GRIN2B: variants seen among roughly 807,000 people sequenced by gnomAD.
The protein encoded by GRIN2B is glutamate ionotropic receptor NMDA type subunit 2B, also known as glutamate receptor ionotropic, NMDA 2B.
A neutral mutation model predicts 114.5 loss-of-function variants in GRIN2B; 5 were observed. The observed-to-expected ratio is 0.04, with a 90% CI of 0.02 to 0.09. The LOEUF (loss-of-function observed/expected upper bound fraction) is 0.09. Ranked by LOEUF, GRIN2B falls within the 10% of genes least tolerant of loss-of-function variation. The pLI is 1.00. For missense variants in GRIN2B, 1,108 were observed against 1,943.5 expected (o/e 0.57, Z 8.08); for synonymous variants, 787 against 745.1 (o/e 1.06, Z -0.92).
intron 2 of GRIN2B, among the ~76,000 whole-genome samples, chr12:13,888,792 TA>T (rs34962020): frequency 0.67 from 98,828 of 147,142 alleles, 33,280 homozygotes; most frequent in Non-Finnish European, 0.73. Flanking sequence ...GTATAAAAGA[TA>T]AAAAAAAAAA....
intron 10 of GRIN2B, among the ~76,000 whole-genome samples, chr12:13,583,180 G>A (rs1565462536): frequency 6.6e-6 from 1 of 152,106 alleles, no homozygotes; most frequent in Non-Finnish European, 1.5e-5. Context: ...AAGCCACTGA[G>A]CTCTGAAATA....
chr12:13,581,945 C>T (rs139304828), intron 10 of GRIN2B, among the ~76,000 whole-genome samples: 71 of 146,840 alleles, frequency 4.8e-4, no homozygotes, highest in African/African-American at 1.6e-3. Flanking sequence ...ATTGATAAAA[C>T]GTAAGTAAAC....
At chr12:13,608,030 G>GA (rs397786993) in intron 10 of GRIN2B, among the ~76,000 whole-genome samples, 1 of 38 alleles carries the variant, frequency 0.026, no homozygotes, top group Non-Finnish European at 0.083. Flanking sequence ...TAGGCCCGCA[G>GA]AGGCCTGCAA....
intron 4 of GRIN2B, among the ~76,000 whole-genome samples, chr12:13,685,007 C>T (rs543322326): frequency 6.6e-6 from 1 of 152,236 alleles, no homozygotes; most frequent in African/African-American, 2.4e-5. Context: ...ACTTTCCTTC[C>T]TGTGAACTTT....
intron 3 of GRIN2B, among the ~76,000 whole-genome samples, chr12:13,810,701 G>A (rs1864713635): frequency 6.6e-6 from 1 of 152,210 alleles, no homozygotes. Flanking sequence ...CAGATTCTAT[G>A]TCCTTCTTCT....
chr12:13,864,321 TC>T (rs1352168098), intron 3 of GRIN2B, among the ~76,000 whole-genome samples: 1 of 152,154 alleles, frequency 6.6e-6, no homozygotes, highest in African/African-American at 2.4e-5. Context: ...GCTCAGCTGC[TC>T]CACTGCGGAG....
At chr12:13,719,132 G>A (rs1307301809) in intron 4 of GRIN2B, among the ~76,000 whole-genome samples, 2 of 151,918 alleles carry the variant, frequency 1.3e-5, no homozygotes, top group East Asian at 3.9e-4. Flanking sequence ...ATTTCCAGGG[G>A]CCAGGGGATG....
intron 3 of GRIN2B, among the ~76,000 whole-genome samples, chr12:13,852,253 A>C (rs1446991188): frequency 1.3e-5 from 2 of 152,160 alleles, no homozygotes; most frequent in African/African-American, 4.8e-5. Context: ...TACTCTTCTC[A>C]GTGCCACCAC....
Position 13,753,718 on chromosome 12 carries a change from G to A in GRIN2B, c.609C>T (p.Leu203=), listed in dbSNP as rs746896701. ...SFVGWELEEV[L]LLDMSLDDGD... ...CATCGTCCAGGGACATGTCCAGTAG[G>A]AGGACCTCCTCTAGCTCCCAGCCCA... The change falls in exon 4 of 14, where the codon CTC becomes CTT. Residue 203 remains leucine, a synonymous_variant. Coordinates refer to ENST00000609686, the MANE Select transcript of GRIN2B (RefSeq NM_000834.5). This position sits in a 1 kb window ranked among gnomAD's most constrained non-coding sequence, Gnocchi z 6.2. The A allele has an allele frequency of 4.5e-5, 72 of 1,614,068 alleles. 1 individual carries two copies. In the East Asian group the frequency reaches 1.6e-3, roughly 35 times the overall value.
intron 2 of GRIN2B, among the ~76,000 whole-genome samples, chr12:13,871,955 T>A (rs535813310): frequency 5.3e-5 from 8 of 152,056 alleles, no homozygotes; most frequent in Non-Finnish European, 8.8e-5. Flanking sequence ...AACTACTCCC[T>A]ACCCTAGTCC....
intron 4 of GRIN2B, among the ~76,000 whole-genome samples, chr12:13,698,553 T>C (rs1278721416): frequency 1.3e-5 from 2 of 152,232 alleles, no homozygotes; most frequent in Non-Finnish European, 2.9e-5. Flanking sequence ...AATCAGTGTA[T>C]TATATAATTG....
At chr12:13,920,303 G>C (rs207472664) in intron 2 of GRIN2B, among the ~76,000 whole-genome samples, 3 of 151,122 alleles carry the variant, frequency 2.0e-5, no homozygotes, top group Admixed American at 6.6e-5. Flanking sequence ...GTGAAAAAAT[G>C]AGAGTCAACA....
At chr12:13,908,843 A>C (rs944209806) in intron 2 of GRIN2B, among the ~76,000 whole-genome samples, 7 of 152,174 alleles carry the variant, frequency 4.6e-5, no homozygotes, top group Non-Finnish European at 8.8e-5. Context: ...CAGTGATTGC[A>C]TGGTATTGAA....
intron 4 of GRIN2B, among the ~76,000 whole-genome samples, chr12:13,739,602 C>A (rs1351430942): frequency 6.6e-6 from 1 of 152,034 alleles, no homozygotes; most frequent in Non-Finnish European, 1.5e-5. Flanking sequence ...CACTTCTGAG[C>A]ACTCAGTAGG....
Position 13,563,302 on chromosome 12 carries a change from C to A in GRIN2B, c.3936G>T (p.Lys1312Asn). ...TGCGCGGGGCCAGGGCGGCTTCTTCCTTCTGCAGGTCCACGAAGGTGTCGT... is the reference window on the plus strand; with the variant it reads ...TGCGCGGGGCCAGGGCGGCTTCTTCATTCTGCAGGTCCACGAAGGTGTCGT... Reference protein sequence around the residue: ...HSYDTFVDLQKEEAALAPRSV... With the variant: ...HSYDTFVDLQNEEAALAPRSV... Residue 1312 changes from lysine to asparagine, a missense_variant, in exon 14 of 14, where the codon AAG becomes AAT. Coordinates refer to ENST00000609686, the MANE Select transcript of GRIN2B (RefSeq NM_000834.5). The A allele has an allele frequency of 6.2e-7, 1 of 1,614,216 alleles. No homozygotes were observed. The highest frequency in any genetic ancestry group is 8.5e-7 in the Non-Finnish European group (1 of 1,180,030).
In GRIN2B at chr12:13,873,582, G is replaced by A. The variant is rs564380231; in HGVS notation, c.-18-7356C>T. 2.4e-4 allele frequency among the ~76,000 whole-genome samples: 36 copies of A among 152,208 alleles called. No individual in the cohort carries two copies. In the South Asian group the frequency reaches 6.8e-3, roughly 29 times the overall value. ...CCCTCTCACACTATTACCATCATCC[G>A]TTACTCTTTTCAAGCTTTTGAGCTC... On this transcript the variant is annotated intron_variant, in intron 2 of 13. Coordinates refer to ENST00000609686, the MANE Select transcript of GRIN2B (RefSeq NM_000834.5).
chr12:13,752,326 T>C (rs754123688), intron 4 of GRIN2B, among the ~76,000 whole-genome samples: 5 of 152,228 alleles, frequency 3.3e-5, no homozygotes, highest in African/African-American at 4.8e-5. Flanking sequence ...AATCAAGCTA[T>C]TGAACAGCAA....
chr12:13,724,841 T>C (rs1862950773), intron 4 of GRIN2B, among the ~76,000 whole-genome samples: 1 of 152,082 alleles, frequency 6.6e-6, no homozygotes, highest in African/African-American at 2.4e-5. Context: ...TTCTAAGAAG[T>C]AGAAATTCTA....
At chr12:13,581,737 C>T (rs1263151905) in intron 10 of GRIN2B, among the ~76,000 whole-genome samples, 4 of 152,006 alleles carry the variant, frequency 2.6e-5, no homozygotes, top group South Asian at 2.1e-4. Context: ...TGGCAAAATC[C>T]TATCTTTACT....
Sources: gnomAD v4.1 joint callset for allele counts (sites outside exome capture counted in the v4.1 genomes callset) on GRCh38, gnomAD v4.1.1 for gene constraint, Gnocchi (gnomAD v3.1) non-coding constraint, MANE v1.5 for transcripts, NCBI Gene and HGNC (gene_info 2026-07-23, HGNC 2026-07-21) for gene names.